L2HGDH: variants seen among roughly 807,000 people sequenced by gnomAD.
L2HGDH encodes L-2-hydroxyglutarate dehydrogenase.
A neutral mutation model predicts 51.5 loss-of-function variants in L2HGDH; 34 were observed. The ratio of observed to expected loss-of-function variants is 0.66; its 90% CI spans 0.50 to 0.88. The LOEUF (loss-of-function observed/expected upper bound fraction) is 0.88. L2HGDH is among the 40% of genes least tolerant of loss of function. L2HGDH has a pLI of 0.00. For missense variants in L2HGDH, 558 were observed against 571.9 expected (o/e 0.98, Z 0.25); for synonymous variants, 198 against 197.9 (o/e 1.00, Z -0.01).
chr14:50,265,285 C>A, intron 9 of L2HGDH, 73 bp downstream of exon 9: 1 of 1,319,626 alleles, frequency 7.6e-7, no homozygotes, highest in East Asian at 2.3e-5. Flanking sequence ...ACTTACTAAT[C>A]ACCAAGTCAG....
chr14:50,273,667 C>A (rs1474593653), intron 6 of L2HGDH, among the ~76,000 whole-genome samples: 1 of 152,076 alleles, frequency 6.6e-6, no homozygotes, highest in African/African-American at 2.4e-5. Context: ...AATAAAGAGA[C>A]AACCTACAGA....
At chr14:50,310,936 C>CTTTTTTTTTTTTTTTTT (rs34399906) in intron 1 of L2HGDH, among the ~76,000 whole-genome samples, 17 of 82,228 alleles carry the variant, frequency 2.1e-4, no homozygotes, top group South Asian at 5.1e-4. Context: ...CTTTTCTTTT[C>CTTTTTTTTTTTTTTTTT]TTTTTTTTTT....
rs752025180 is a variant in L2HGDH, at chr14:50,269,240, G to C, written c.829C>G (p.Arg277Gly). 2 of 1,613,764 alleles carry C rather than the reference G, an allele frequency of 1.2e-6. No individual in the cohort carries two copies. The highest frequency in any genetic ancestry group is 2.2e-5 in the East Asian group (1 of 44,872). The stretch of plus-strand genomic sequence containing the variant: ...TAATCTCCCCGGAATGGTACAATTC[G>C]AGGATCAGGAGTGCAGCCACTCAAC... ...SELSGCTPDP[R>G]IVPFRGDYLL... The change falls in exon 7 of 10, where the codon CGA becomes GGA. Residue 277 changes from arginine to glycine, a missense_variant. Arg to Gly is a moderately radical substitution (Grantham distance 125). Coordinates refer to ENST00000267436, the MANE Select transcript of L2HGDH (RefSeq NM_024884.3).
intron 3 of L2HGDH, among the ~76,000 whole-genome samples, chr14:50,301,336 A>G (rs78901248): frequency 6.6e-6 from 1 of 152,384 alleles, no homozygotes; most frequent in East Asian, 1.9e-4. Context: ...TAACCAATAT[A>G]AATGAAAACA....
In L2HGDH at chr14:50,252,379, G is replaced by C. The variant is rs190663957; in HGVS notation, c.1197-5126C>G. 1.6e-4 allele frequency among the ~76,000 whole-genome samples: 25 copies of C among 152,086 alleles called. 1 individual carries two copies. The highest frequency in any genetic ancestry group is 1.6e-3 in the Admixed American group (24 of 15,242). ...CAAAGAAGGAATTGAAGACTGTAAA[G>C]CCACCAGAAAACAAATAACAAAATG... is the stretch of plus-strand genomic sequence containing the variant. On this transcript the variant is annotated intron_variant, in intron 9 of 9. Transcript: ENST00000267436.
chr14:50,243,644 T>C lies in L2HGDH; in HGVS notation c.*3414A>G. Reference sequence around the variant, plus strand: ...AAAACACTTTCAACAAATTTTTCATTTTTATTTTTCAGGGTATTTTATATA... The same window carrying C: ...AAAACACTTTCAACAAATTTTTCATCTTTATTTTTCAGGGTATTTTATATA... On this transcript the variant is annotated 3_prime_UTR_variant, in exon 10 of 10. Coordinates refer to ENST00000267436, the MANE Select transcript of L2HGDH (RefSeq NM_024884.3). 1.7e-6 allele frequency: 1 copy of C among 579,196 alleles called. No individual in the cohort carries two copies. Among genetic ancestry groups the C allele is most frequent in the Non-Finnish European group, 2.1e-6 (1 of 468,190 alleles). The allele number at this position is 579,196 out of a possible 1,614,324, so 35.9% of individuals were successfully genotyped here. A position where few individuals can be genotyped will look rare whatever the true frequency, so the allele number is the denominator to read the frequency against.
rs771091083 is a variant in L2HGDH at position 50,278,520 on chromosome 14, C to A, written c.738G>T (p.Lys246Asn). 6.7e-7 allele frequency: 1 copy of A among 1,488,916 alleles called. No homozygotes were observed. The highest frequency in any genetic ancestry group is 1.7e-5 in the Admixed American group (1 of 58,042). 92.2% of individuals were successfully genotyped at this position (1,488,916 alleles called of 1,614,324 possible). The change falls in exon 6 of 10, where the codon AAG (lysine) becomes AAT (asparagine). Residue 246 changes from lysine (K) to asparagine (N), a missense_variant and splice_region_variant. This residue lies in a region of L2HGDH where 321 missense variants were observed against 311.8 expected (regional missense o/e 1.03). Transcript: ENST00000267436. ...AGCAGTTTTGCTTAAGAATCTTTAC[C>A]TTTGTATTCTTTATAACAATTGGAT... The part of the protein sequence containing the change: ...MQYPIVIKNT[K>N]GEEIRCQYVV...
At chr14:50,260,627 A>T (rs1888963018) in intron 9 of L2HGDH, among the ~76,000 whole-genome samples, 4 of 152,064 alleles carry the variant, frequency 2.6e-5, no homozygotes, top group African/African-American at 7.2e-5. Context: ...ACTCTCAGCT[A>T]TATGTATTTC....
At chr14:50,311,974 G>C (rs1472820953) in intron 1 of L2HGDH, 37 bp downstream of exon 1, 1 of 1,544,612 alleles carries the variant, frequency 6.5e-7, no homozygotes. Flanking sequence ...GCGAGGGGCA[G>C]CAGCGCAGGC....
At chr14:50,268,589 G>A (rs932357559) in intron 7 of L2HGDH, among the ~76,000 whole-genome samples, 28 of 152,250 alleles carry the variant, frequency 1.8e-4, no homozygotes, top group African/African-American at 6.5e-4. Context: ...CTTCTGCAAA[G>A]TACAAATACA....
At chr14:50,269,135 A>C (rs1218024099) in intron 7 of L2HGDH, 28 bp downstream of exon 7, 1 of 1,608,220 alleles carries the variant, frequency 6.2e-7, no homozygotes, top group Non-Finnish European at 8.5e-7. Flanking sequence ...CTTGAAAAAA[A>C]TGAGAAGTAG....
intron 3 of L2HGDH, among the ~76,000 whole-genome samples, chr14:50,299,353 G>T (rs925306189): frequency 2.0e-5 from 3 of 152,084 alleles, no homozygotes; most frequent in African/African-American, 7.2e-5. Flanking sequence ...GTAAAGAAAA[G>T]CCCAGAACCT....
chr14:50,268,135 T>C (rs1889451712), intron 7 of L2HGDH, among the ~76,000 whole-genome samples: 1 of 152,076 alleles, frequency 6.6e-6, no homozygotes, highest in Admixed American at 6.6e-5. Flanking sequence ...TCTCAACACT[T>C]TGGGAGGCTG....
At position 50,244,352 on chromosome 14, in the gene L2HGDH, C is replaced by CT. The variant is rs1887913886; in HGVS notation, c.*2705dup. On this transcript the variant is annotated 3_prime_UTR_variant, in exon 10 of 10. Coordinates refer to ENST00000267436, the MANE Select transcript of L2HGDH (RefSeq NM_024884.3). The stretch of plus-strand genomic sequence containing the variant: ...CATCCTCTCCAGCACCTGTTGTTTC[C>CT]TTTTCAGGGTATTGTACAGACTCAA... 1 of 982,950 alleles carries CT rather than the reference C, an allele frequency of 1.0e-6. No homozygotes were observed. Among genetic ancestry groups the CT allele is most frequent in the South Asian group, 4.7e-5 (1 of 21,246 alleles). 60.9% of individuals were successfully genotyped at this position (982,950 alleles called of 1,614,324 possible). A position where few individuals can be genotyped will look rare whatever the true frequency, so the allele number is the denominator to read the frequency against.
chr14:50,253,987 A>G (rs1447893029), intron 9 of L2HGDH, among the ~76,000 whole-genome samples: 2 of 152,120 alleles, frequency 1.3e-5, no homozygotes, highest in South Asian at 2.1e-4. Context: ...AATTGAACGC[A>G]TAGAGGTAAG....
chr14:50,276,468 C>CA (rs1167606277), intron 6 of L2HGDH, among the ~76,000 whole-genome samples: 1 of 151,384 alleles, frequency 6.6e-6, no homozygotes, highest in Non-Finnish European at 1.5e-5. Flanking sequence ...TTGTGCCCCC[C>CA]CCACCCCAAT....
chr14:50,298,236 T>C (rs891086333), intron 3 of L2HGDH, among the ~76,000 whole-genome samples: 7 of 146,710 alleles, frequency 4.8e-5, no homozygotes, highest in Admixed American at 3.4e-4. Context: ...AGCAAGACTC[T>C]GTCTCAAAAA....
intron 6 of L2HGDH, among the ~76,000 whole-genome samples, chr14:50,270,672 A>G (rs564001193): frequency 6.6e-6 from 1 of 152,120 alleles, no homozygotes; most frequent in Admixed American, 6.5e-5. Context: ...ACGCCCGGCT[A>G]ATTTTTTGTA....
intron 9 of L2HGDH, among the ~76,000 whole-genome samples, chr14:50,255,916 T>C (rs1595068470): frequency 6.6e-6 from 1 of 151,862 alleles, no homozygotes; most frequent in Non-Finnish European, 1.5e-5. Flanking sequence ...TAATCCCAGC[T>C]ACTTGGGAGG....
Sources: allele counts gnomAD v4.1 joint callset (sites outside exome capture counted in the v4.1 genomes callset), GRCh38; gene constraint gnomAD v4.1.1; regional missense constraint gnomAD v4.1.1; transcripts MANE v1.5; gene names NCBI Gene and HGNC (gene_info 2026-07-23, HGNC 2026-07-21).